Variants in SYTL5 observed in about 807,000 individuals in gnomAD.
SYTL5 encodes the protein synaptotagmin like 5, also known as synaptotagmin-like protein 5.
A neutral mutation model predicts 55.9 loss-of-function variants in SYTL5; 34 were observed. That is an observed-to-expected ratio of 0.61 (90% CI 0.46 to 0.81). The LOEUF (loss-of-function observed/expected upper bound fraction) is 0.81. Ranked by LOEUF, SYTL5 falls within the 30% of genes least tolerant of loss-of-function variation. The pLI is 0.00. For missense variants in SYTL5, 637 were observed against 546.7 expected (o/e 1.17, Z -1.65); for synonymous variants, 221 against 188.7 (o/e 1.17, Z -1.40).
the SYTL5 span, among the ~76,000 whole-genome samples, chrX:37,893,397 G>A: frequency 1.0e-5 from 1 of 95,706 alleles, no homozygotes; most frequent in African/African-American, 3.8e-5. Context: ...TAAAACCTTT[G>A]ACATATACTA....
chrX:38,052,668 C>T, intron 2 of SYTL5, among the ~76,000 whole-genome samples: 1 of 112,111 alleles, frequency 8.9e-6, no homozygotes, highest in Non-Finnish European at 1.9e-5. Context: ...GAAATTGGAT[C>T]CTGAGCAGTA....
the SYTL5 span, among the ~76,000 whole-genome samples, chrX:37,895,408 T>TTCTTCCTTCCTTC: frequency 6.3e-4 from 57 of 90,794 alleles, no homozygotes; most frequent in African/African-American, 2.8e-3. Context: ...TTAGTTTTTC[T>TTCTTCCTTCCTTC]TTTCCTTCCT....
At position 38,056,667 on chromosome X, in the gene SYTL5, A is replaced by G. The variant is rs186640316; in HGVS notation, c.329+2245A>G. ...GATAAAAGCCATTCTAACTGGAGTG[A>G]GATAATAGCTCATTGTAGTTTTGTC... is the stretch of plus-strand genomic sequence containing the variant. On this transcript the variant is annotated intron_variant, in intron 3 of 16. Coordinates refer to ENST00000297875, the MANE Select transcript of SYTL5 (RefSeq NM_138780.3). 2.0e-4 allele frequency among the ~76,000 whole-genome samples: 22 copies of G among 111,970 alleles called. No homozygotes were observed. The Admixed American group carries it at 2.0e-3, about 10-fold the overall frequency.
At chrX:37,928,832 T>C in the SYTL5 span, among the ~76,000 whole-genome samples, 2 of 112,514 alleles carry the variant, frequency 1.8e-5, no homozygotes, top group Non-Finnish European at 3.8e-5. Flanking sequence ...AGTCCAGTGG[T>C]AGTGACTTTT....
intron 11 of SYTL5, among the ~76,000 whole-genome samples, 181 bp downstream of exon 11, chrX:38,106,952 G>A (rs1937233953): frequency 8.9e-6 from 1 of 112,502 alleles, no homozygotes; most frequent in African/African-American, 3.2e-5. Flanking sequence ...TACTGGTTGT[G>A]TCTTTGATTA....
chrX:37,942,010 A>G, the SYTL5 span, among the ~76,000 whole-genome samples: 3 of 111,998 alleles, frequency 2.7e-5, no homozygotes, highest in Non-Finnish European at 3.8e-5. Flanking sequence ...AACTACCATT[A>G]AAAGTCGTTA....
At chrX:38,046,762 C>G (rs1569167030) in intron 2 of SYTL5, among the ~76,000 whole-genome samples, 1 of 111,956 alleles carries the variant, frequency 8.9e-6, no homozygotes, top group Non-Finnish European at 1.9e-5. Flanking sequence ...AAGTCCCTCC[C>G]ATCTATGAGC....
the SYTL5 span, among the ~76,000 whole-genome samples, chrX:37,897,278 T>A: frequency 9.4e-6 from 1 of 106,148 alleles, no homozygotes; most frequent in Non-Finnish European, 1.9e-5. Flanking sequence ...AGGTCAGGAG[T>A]TCGAGACCAG....
chrX:37,970,184 T>G, the SYTL5 span, among the ~76,000 whole-genome samples: 2 of 111,484 alleles, frequency 1.8e-5, no homozygotes, highest in African/African-American at 6.5e-5. Context: ...ATACAACCCC[T>G]TTAAAAATTC....
In SYTL5 at chrX:38,126,788, C is replaced by G; in HGVS notation, c.*58C>G. 9.1e-7 allele frequency: 1 copy of G among 1,100,860 alleles called. No homozygotes were observed. The highest frequency in any genetic ancestry group is 1.2e-6 in the Non-Finnish European group (1 of 818,797). 90.7% of individuals were successfully genotyped at this position (1,100,860 alleles called of 1,213,427 possible). Reference sequence around the variant, plus strand: ...GACCTATCTGGCTGTCTTTTCCTACCATTAGCAAACTGAGACCTGGGATTC... The same window carrying G: ...GACCTATCTGGCTGTCTTTTCCTACGATTAGCAAACTGAGACCTGGGATTC... On this transcript the variant is annotated 3_prime_UTR_variant, in exon 17 of 17. Transcript: ENST00000297875.
the SYTL5 span, among the ~76,000 whole-genome samples, chrX:37,951,047 TAAA>T: frequency 8.3e-4 from 84 of 101,795 alleles, no homozygotes; most frequent in African/African-American, 2.9e-3. Context: ...TTACGAGGAA[TAAA>T]AAAAAAAAAG....
At chrX:37,891,251 T>C in the SYTL5 span, among the ~76,000 whole-genome samples, 3 of 112,272 alleles carry the variant, frequency 2.7e-5, no homozygotes, top group East Asian at 8.3e-4. Flanking sequence ...TTCATTAATG[T>C]ATAAATAAAA....
At chrX:38,002,796 T>A (rs1361088420), upstream of SYTL5, among the ~76,000 whole-genome samples, 3 of 111,732 alleles carry the variant, frequency 2.7e-5, no homozygotes, top group African/African-American at 6.5e-5. Flanking sequence ...ATTGCAAAAA[T>A]TTTCTCCCAT....
At chrX:37,891,777 T>C in the SYTL5 span, among the ~76,000 whole-genome samples, 1 of 111,449 alleles carries the variant, frequency 9.0e-6, no homozygotes, top group Admixed American at 9.6e-5. Flanking sequence ...ACAAACATGG[T>C]TCTCTTTATC....
intron 1 of SYTL5, among the ~76,000 whole-genome samples, chrX:38,016,217 G>T (rs1934350253): frequency 8.9e-6 from 1 of 111,817 alleles, no homozygotes; most frequent in Non-Finnish European, 1.9e-5. Flanking sequence ...CTTGATTGAT[G>T]CATACTTATC....
chrX:38,028,657 C>G (rs1934856936), intron 1 of SYTL5, among the ~76,000 whole-genome samples: 1 of 111,864 alleles, frequency 8.9e-6, no homozygotes, highest in African/African-American at 3.2e-5. Flanking sequence ...AACTCCTGTC[C>G]TGCTTGATAT....
At chrX:37,896,479 C>T in the SYTL5 span, among the ~76,000 whole-genome samples, 29 of 111,049 alleles carry the variant, frequency 2.6e-4, no homozygotes, top group African/African-American at 8.8e-4. Context: ...GTGTGACTTG[C>T]TTTGGCCAAA....
chrX:38,048,635 C>T (rs951945489), intron 2 of SYTL5, among the ~76,000 whole-genome samples: 1 of 110,145 alleles, frequency 9.1e-6, no homozygotes, highest in Non-Finnish European at 1.9e-5. Flanking sequence ...TAGCAGAGAA[C>T]AGAAGAGAAA....
At chrX:37,945,693 G>C in the SYTL5 span, among the ~76,000 whole-genome samples, 1 of 111,867 alleles carries the variant, frequency 8.9e-6, no homozygotes, top group African/African-American at 3.3e-5. Flanking sequence ...TGTACTTCCT[G>C]AGTTCGCATC....
Sources: allele counts gnomAD v4.1 joint callset (sites outside exome capture counted in the v4.1 genomes callset), GRCh38; gene constraint gnomAD v4.1.1; transcripts MANE v1.5; gene names NCBI Gene and HGNC (gene_info 2026-07-23, HGNC 2026-07-21).